Variants in ARID1B observed in about 807,000 individuals in gnomAD.
ARID1B encodes the protein AT-rich interactive domain-containing protein 1B.
Under a neutral mutation model 212.3 loss-of-function variants are expected in ARID1B, and 30 were observed. The observed-to-expected ratio is 0.14, with a 90% CI of 0.11 to 0.19. The LOEUF (loss-of-function observed/expected upper bound fraction) is 0.19, where lower values mean the gene tolerates loss of function less well. Among genes scored for constraint, ARID1B ranks in the 10% least tolerant of loss-of-function variants. The probability of loss-of-function intolerance (pLI) is 1.00; values close to 1 mark genes in which losing one functional copy is unlikely to be tolerated. For synonymous variants in ARID1B, 1,402 were observed against 1,301.7 expected (o/e 1.08, Z -1.66); for missense variants, 2,891 against 3,204.0 (o/e 0.90, Z 2.36).
intron 4 of ARID1B, among the ~76,000 whole-genome samples, chr6:156,947,230 CTTGGGTAAAGACAAGTTACTTTGTA>C (rs1793219267): frequency 6.6e-6 from 1 of 152,054 alleles, no homozygotes; most frequent in East Asian, 1.9e-4. Context: ...GGTTCCTTTC[CTTGGGTAAAGACAAGTTACTTTGTA>C]TTTCTTTGTT....
chr6:156,903,520 G>A (rs1789118063), intron 3 of ARID1B, among the ~76,000 whole-genome samples: 1 of 152,192 alleles, frequency 6.6e-6, no homozygotes, highest in African/African-American at 2.4e-5. Flanking sequence ...TAATCAGATG[G>A]TCTGGTTTGA....
chr6:156,812,972 GTGTGTATGTA>G (rs1354014913), intron 1 of ARID1B, among the ~76,000 whole-genome samples: 1 of 91,134 alleles, frequency 1.1e-5, no homozygotes, highest in African/African-American at 4.3e-5. Flanking sequence ...GTGTGTGTGT[GTGTGTATGTA>G]TATACATACG....
intron 1 of ARID1B, among the ~76,000 whole-genome samples, chr6:156,814,709 G>T (rs1465658727): frequency 6.6e-6 from 1 of 152,188 alleles, no homozygotes; most frequent in Non-Finnish European, 1.5e-5. Flanking sequence ...TGAGAAGGCA[G>T]ATTGATGGTA....
At chr6:157,095,672 G>C (rs767859) in intron 5 of ARID1B, among the ~76,000 whole-genome samples, 1 of 152,138 alleles carries the variant, frequency 6.6e-6, no homozygotes, top group Non-Finnish European at 1.5e-5. Context: ...GATCTTTCTA[G>C]AACTAGATTT....
chr6:157,199,919 A>G (rs186345765), intron 17 of ARID1B, among the ~76,000 whole-genome samples: 16 of 152,138 alleles, frequency 1.1e-4, no homozygotes, highest in Admixed American at 1.0e-3. Context: ...CTCCTGCCTC[A>G]GCCTCCCAAA....
intron 2 of ARID1B, among the ~76,000 whole-genome samples, chr6:156,842,807 TC>T (rs1363651461): frequency 1.3e-5 from 2 of 152,256 alleles, no homozygotes; most frequent in East Asian, 3.8e-4. Context: ...ATATATCATT[TC>T]CTATAATTCT....
intron 8 of ARID1B, among the ~76,000 whole-genome samples, chr6:157,157,431 A>G (rs932401860): frequency 6.6e-6 from 1 of 152,222 alleles, no homozygotes; most frequent in Non-Finnish European, 1.5e-5. Flanking sequence ...ATGGCCAGTG[A>G]TGCCAACCTG....
chr6:156,962,568 C>T (rs1298571195), intron 4 of ARID1B, among the ~76,000 whole-genome samples: 4 of 152,082 alleles, frequency 2.6e-5, no homozygotes, highest in Admixed American at 1.3e-4. Context: ...CACAGCTCAC[C>T]GCTTCCCGGG....
chr6:156,926,841 T>C (rs1011031716), intron 3 of ARID1B, among the ~76,000 whole-genome samples: 18 of 152,020 alleles, frequency 1.2e-4, no homozygotes, highest in African/African-American at 2.9e-4. Context: ...CCACCATGCC[T>C]GGCTAATTTT....
intron 4 of ARID1B, chr6:156,938,543 T>C (rs1288513976): frequency 6.6e-6 from 1 of 152,246 alleles, no homozygotes; most frequent in Non-Finnish European, 1.5e-5. Context: ...GTACCATTTA[T>C]GAAATGCAAC....
At chr6:156,991,826 C>G (rs1161516331) in intron 4 of ARID1B, among the ~76,000 whole-genome samples, 1 of 152,156 alleles carries the variant, frequency 6.6e-6, no homozygotes, top group Non-Finnish European at 1.5e-5. Context: ...GATGCATTAT[C>G]TATAAACTGC....
chr6:156,891,056 T>A (rs1214351164), intron 2 of ARID1B, among the ~76,000 whole-genome samples: 2 of 152,238 alleles, frequency 1.3e-5, no homozygotes, highest in African/African-American at 4.8e-5. Flanking sequence ...GATCTTGACC[T>A]TGTAAACTTT....
chr6:156,857,527 T>C (rs914207724), intron 2 of ARID1B, among the ~76,000 whole-genome samples: 3 of 152,142 alleles, frequency 2.0e-5, no homozygotes. Context: ...TCTATTTGAA[T>C]TGGAAACTCA....
intron 3 of ARID1B, among the ~76,000 whole-genome samples, chr6:156,914,317 G>T (rs888955010): frequency 2.0e-5 from 3 of 152,190 alleles, no homozygotes; most frequent in Non-Finnish European, 2.9e-5. Flanking sequence ...AGCCTCCAGT[G>T]TTCTGTTATT....
At chr6:157,147,840 C>T (rs1343703844) in intron 7 of ARID1B, among the ~76,000 whole-genome samples, 11 of 69,558 alleles carry the variant, frequency 1.6e-4, no homozygotes, top group Non-Finnish European at 2.5e-4. Context: ...CCCCCGCCTC[C>T]GGCCCTGCCC....
At chr6:157,004,295 T>C (rs749109393) in intron 4 of ARID1B, among the ~76,000 whole-genome samples, 3 of 152,170 alleles carry the variant, frequency 2.0e-5, no homozygotes, top group Non-Finnish European at 4.4e-5. Context: ...AAATTAAATA[T>C]AGGCCAAAAA....
At chr6:157,026,325 A>AGAGT (rs1780665993) in intron 4 of ARID1B, among the ~76,000 whole-genome samples, 1 of 152,230 alleles carries the variant, frequency 6.6e-6, no homozygotes, top group South Asian at 2.1e-4. Flanking sequence ...TGTAGCCAAA[A>AGAGT]GACTCGTCTT....
At chr6:157,049,078 G>T (rs1782420697) in intron 4 of ARID1B, among the ~76,000 whole-genome samples, 1 of 151,418 alleles carries the variant, frequency 6.6e-6, no homozygotes, top group Non-Finnish European at 1.5e-5. Context: ...GGAGGCTGAG[G>T]CACAAGAATC....
rs567403359 is a variant in ARID1B at position 157,190,246 on chromosome 6, A to C, written c.4231+36A>C. ...AGGGGCCTCCACCCGGCCATGGACC[A>C]GTGGGCATTCTACTCTCTGCCGTTC... On this transcript the variant is annotated intron_variant, in intron 15 of 19. Transcript: ENST00000636930. The surrounding 1 kb of genome is among the most constrained non-coding windows in gnomAD (Gnocchi z 4.6). The C allele has an allele frequency of 3.2e-6, 5 of 1,578,754 alleles. No homozygotes were observed. Among genetic ancestry groups the C allele is most frequent in the Admixed American group, 3.6e-5 (2 of 54,996 alleles).
Sources: gnomAD v4.1 joint callset for allele counts (sites outside exome capture counted in the v4.1 genomes callset) on GRCh38, gnomAD v4.1.1 for gene constraint, Gnocchi (gnomAD v3.1) non-coding constraint, MANE v1.5 for transcripts, NCBI Gene and HGNC (gene_info 2026-07-23, HGNC 2026-07-21) for gene names.